The following ZFPM2 variants were observed in gnomAD, a reference collection of about 807,000 sequenced individuals.
ZFPM2 encodes the protein zinc finger protein ZFPM2.
In ZFPM2, 20 loss-of-function variants were observed where a neutral mutation model predicts 98.6. That is an observed-to-expected ratio of 0.20 (90% CI 0.14 to 0.29). The LOEUF (loss-of-function observed/expected upper bound fraction) is 0.29. Among genes scored for constraint, ZFPM2 ranks in the 10% least tolerant of loss-of-function variants. The pLI is 1.00. For missense variants in ZFPM2, 1,310 were observed against 1,388.6 expected, an observed-to-expected ratio of 0.94 and a Z score of 0.90; for synonymous variants, 518 against 502.7, an observed-to-expected ratio of 1.03 and a Z score of -0.41.
At chr8:105,321,237 C>G (rs1812018700) in intron 1 of ZFPM2, among the ~76,000 whole-genome samples, 1 of 152,130 alleles carries the variant, frequency 6.6e-6, no homozygotes, top group African/African-American at 2.4e-5. Flanking sequence ...GAGGCAGTTT[C>G]GCAGATGGAG....
intron 1 of ZFPM2, among the ~76,000 whole-genome samples, chr8:105,408,631 G>A (rs1811515131): frequency 6.6e-6 from 1 of 151,784 alleles, no homozygotes; most frequent in Non-Finnish European, 1.5e-5. Flanking sequence ...TATAAAGTTT[G>A]TATTCCAAAC....
chr8:105,477,969 C>T (rs1178086230), intron 3 of ZFPM2, among the ~76,000 whole-genome samples: 1 of 152,166 alleles, frequency 6.6e-6, no homozygotes, highest in Non-Finnish European at 1.5e-5. Flanking sequence ...CCTTTCTGCA[C>T]AGTGCAATTA....
At chr8:105,437,187 G>C (rs1812137984) in intron 2 of ZFPM2, among the ~76,000 whole-genome samples, 1 of 152,004 alleles carries the variant, frequency 6.6e-6, no homozygotes, top group Admixed American at 6.6e-5. Flanking sequence ...GCTCAAAATA[G>C]GTGCAAAATG....
Position 105,774,024 on chromosome 8 carries a change from ATGT to A in ZFPM2, c.533-14689_533-14687del, listed in dbSNP as rs1586253535. On this transcript the variant is annotated intron_variant, in intron 5 of 7. Transcript: ENST00000407775. ...ACATAATTAGCGTCTGACAGTTTTC[ATGT>A]TGTTTAAAATCCACGGCAAATCTTT... Among the ~76,000 whole-genome samples, 4 of 152,210 alleles carry A rather than the reference ATGT, an allele frequency of 2.6e-5. No individual in the cohort carries two copies. In the South Asian group the frequency reaches 8.3e-4, roughly 31 times the overall value.
At chr8:105,712,543 A>AT (rs1028392796) in intron 5 of ZFPM2, among the ~76,000 whole-genome samples, 6 of 151,668 alleles carry the variant, frequency 4.0e-5, no homozygotes, top group South Asian at 2.1e-4. Flanking sequence ...ACTACAAGCC[A>AT]TTTTTTTTGT....
intron 1 of ZFPM2, among the ~76,000 whole-genome samples, chr8:105,383,461 T>C (rs1433812058): frequency 6.6e-6 from 1 of 152,294 alleles, no homozygotes; most frequent in Admixed American, 6.5e-5. Flanking sequence ...TGTATTATTT[T>C]GTTCTTCTGT....
chr8:105,719,129 A>C (rs1332083732), intron 5 of ZFPM2, among the ~76,000 whole-genome samples: 1 of 151,928 alleles, frequency 6.6e-6, no homozygotes, highest in African/African-American at 2.4e-5. Flanking sequence ...TTTCATTGTG[A>C]AACATTCTAA....
chr8:105,759,586 G>C (rs1197833074), intron 5 of ZFPM2, among the ~76,000 whole-genome samples: 2 of 150,916 alleles, frequency 1.3e-5, no homozygotes, highest in Non-Finnish European at 3.0e-5. Flanking sequence ...ATCCTTGTGT[G>C]TGTGTGTGTG....
chr8:105,658,998 T>C (rs1817340615), intron 5 of ZFPM2, among the ~76,000 whole-genome samples: 2 of 152,046 alleles, frequency 1.3e-5, no homozygotes. Flanking sequence ...GTAACCAGGG[T>C]TCTGAGAACA....
intron 4 of ZFPM2, 124 bp downstream of exon 4, chr8:105,561,605 T>C (rs892247013): frequency 1.3e-6 from 1 of 785,634 alleles, no homozygotes; most frequent in Non-Finnish European, 2.0e-6. Flanking sequence ...GTTTTTGCTT[T>C]TTCGTGGACA....
chr8:105,324,355 C>T (rs1420628226), intron 1 of ZFPM2, among the ~76,000 whole-genome samples: 1 of 151,850 alleles, frequency 6.6e-6, no homozygotes, highest in South Asian at 2.1e-4. Flanking sequence ...CTTTGCATTA[C>T]AGTTAAGGTA....
At chr8:105,370,943 T>A (rs1810611595) in intron 1 of ZFPM2, among the ~76,000 whole-genome samples, 1 of 152,144 alleles carries the variant, frequency 6.6e-6, no homozygotes, top group African/African-American at 2.4e-5. Context: ...CTCATGAACC[T>A]CTGTGATGGA....
chr8:105,647,983 G>C (rs11986194), intron 5 of ZFPM2, among the ~76,000 whole-genome samples: 70,862 of 151,880 alleles, frequency 0.47, 16,722 homozygotes, highest in African/African-American at 0.53. Flanking sequence ...AACCAGTTTA[G>C]AGTCCCACCA....
intron 4 of ZFPM2, among the ~76,000 whole-genome samples, chr8:105,567,738 C>T (rs1456060583): frequency 3.3e-5 from 5 of 152,008 alleles, no homozygotes; most frequent in Non-Finnish European, 1.5e-5. Context: ...CAATTTTGGA[C>T]CTCTACTACT....
intron 5 of ZFPM2, chr8:105,784,961 G>C (rs1425288805): frequency 6.9e-6 from 1 of 145,522 alleles, no homozygotes; most frequent in East Asian, 1.9e-4. Flanking sequence ...CTTGATTTTT[G>C]TGGTGCCATT....
chr8:105,560,779 A>G (rs928096527), intron 3 of ZFPM2, among the ~76,000 whole-genome samples: 1 of 152,170 alleles, frequency 6.6e-6, no homozygotes, highest in Non-Finnish European at 1.5e-5. Flanking sequence ...GGTTATTTCT[A>G]AAGTATTTTT....
intron 3 of ZFPM2, among the ~76,000 whole-genome samples, chr8:105,466,150 T>A (rs1387977387): frequency 6.6e-6 from 1 of 151,994 alleles, no homozygotes; most frequent in Non-Finnish European, 1.5e-5. Flanking sequence ...TTTTTAATAT[T>A]TTAATATGAA....
chr8:105,406,839 TG>T (rs1007720839), intron 1 of ZFPM2, among the ~76,000 whole-genome samples: 1 of 151,968 alleles, frequency 6.6e-6, no homozygotes, highest in African/African-American at 2.4e-5. Flanking sequence ...GATAAAGTAG[TG>T]AATGGCAGAG....
At chr8:105,415,048 C>T (rs1031947) in intron 1 of ZFPM2, 1 of 152,002 alleles carries the variant, frequency 6.6e-6, no homozygotes, top group African/African-American at 2.4e-5. Context: ...TCCACTTTCT[C>T]TCCAGAGTGC....
Sources: gnomAD v4.1 joint callset for allele counts (sites outside exome capture counted in the v4.1 genomes callset) on GRCh38, gnomAD v4.1.1 for gene constraint, MANE v1.5 for transcripts, NCBI Gene and HGNC (gene_info 2026-07-23, HGNC 2026-07-21) for gene names.